PI4KA: variants seen among roughly 807,000 people sequenced by gnomAD.
The protein encoded by PI4KA is PI4-kinase alpha.
A neutral mutation model predicts 271.4 loss-of-function variants in PI4KA; 122 were observed. That is an observed-to-expected ratio of 0.45 (90% CI 0.39 to 0.52). The LOEUF is 0.52. Among genes scored for constraint, PI4KA ranks in the 20% least tolerant of loss-of-function variants. PI4KA has a pLI of 0.00. For missense variants in PI4KA, 1,969 were observed against 2,769.1 expected, an observed-to-expected ratio of 0.71 and a Z score of 6.48; for synonymous variants, 1,041 against 1,078.8, an observed-to-expected ratio of 0.96 and a Z score of 0.69.
At chr22:20,779,165 T>G in intron 19 of PI4KA, 1 of 1,549,054 alleles carries the variant, frequency 6.5e-7, no homozygotes, top group East Asian at 2.4e-5. Flanking sequence ...TCCATGATCC[T>G]AAAACAGTTA....
rs1181990570 is a variant in PI4KA at position 20,804,977 on chromosome 22, G to A, written c.1357C>T (p.Gln453Ter). The A allele has an allele frequency of 1.2e-6, 2 of 1,611,212 alleles. No individual in the cohort carries two copies. The highest frequency in any genetic ancestry group is 1.7e-6 in the Non-Finnish European group (2 of 1,178,244). The change falls in exon 11 of 55, where the codon CAG becomes TAG. Residue 453 changes from glutamine to a stop codon, truncating the protein, a stop_gained. Transcript: ENST00000255882. LOFTEE classifies it high-confidence loss of function. The part of the protein sequence containing the change: ...DLMVWAVKDE[Q>*]GAENLCIKLS... ...GAGGCAAGGCAGTCTGTCTCACCCT[G>A]CTCGTCCTTCACAGCCCACACCATG...
chr22:20,787,197 G>C, intron 19 of PI4KA: 1 of 833,254 alleles, frequency 1.2e-6, no homozygotes, highest in South Asian at 1.4e-5. Context: ...AGGCCCATAT[G>C]AGAGGAGCTT....
intron 22 of PI4KA, among the ~76,000 whole-genome samples, chr22:20,762,118 G>A (rs948598973): frequency 2.0e-5 from 3 of 152,110 alleles, no homozygotes; most frequent in Non-Finnish European, 2.9e-5. Context: ...AGGGGGAAAG[G>A]GAGAAAAAGG....
At chr22:20,842,565 C>A (rs1183901464) in intron 1 of PI4KA, among the ~76,000 whole-genome samples, 1 of 152,214 alleles carries the variant, frequency 6.6e-6, no homozygotes, top group African/African-American at 2.4e-5. Flanking sequence ...GTAATCCCAG[C>A]ACTTTGGGAG....
chr22:20,727,982 C>A, intron 39 of PI4KA, 118 bp from the exon 40 acceptor site: 1 of 646,280 alleles, frequency 1.5e-6, no homozygotes, highest in South Asian at 2.1e-5. Flanking sequence ...CACATCAATA[C>A]CAAGTGACGG....
chr22:20,768,605 T>A (rs527654291), intron 19 of PI4KA, among the ~76,000 whole-genome samples: 1 of 152,308 alleles, frequency 6.6e-6, no homozygotes, highest in Admixed American at 6.5e-5. Flanking sequence ...CATCAACATG[T>A]TCCTTTTACA....
At chr22:20,748,673 T>C (rs1050770017) in intron 28 of PI4KA, among the ~76,000 whole-genome samples, 3 of 151,984 alleles carry the variant, frequency 2.0e-5, no homozygotes, top group Non-Finnish European at 1.5e-5. Flanking sequence ...TGTACAGGAG[T>C]ATATACATGC....
intron 30 of PI4KA, chr22:20,743,032 A>C: frequency 2.0e-6 from 1 of 494,260 alleles, no homozygotes; most frequent in Non-Finnish European, 3.7e-6. Context: ...CTTGTCCCTC[A>C]TCATTGTACC....
Position 20,799,685 on chromosome 22 carries a change from A to G in PI4KA, c.1806T>C (p.Ser602=), listed in dbSNP as rs1935188649. ...TAGGGGCGTACTTGTCGCTCTCCTGAGAGATGTAGAGCCGGTTGGACAGGC... is the reference window on the plus strand; with the variant it reads ...TAGGGGCGTACTTGTCGCTCTCCTGGGAGATGTAGAGCCGGTTGGACAGGC... ...LASLSNRLYI[S]QESDKDAHLI... Residue 602 remains serine (S), a synonymous_variant, in exon 15 of 55, where the codon TCT becomes TCC. Coordinates refer to ENST00000255882, the MANE Select transcript of PI4KA (RefSeq NM_058004.4). 6 of 1,551,170 alleles carry G rather than the reference A, an allele frequency of 3.9e-6. No homozygotes were observed. Among genetic ancestry groups the G allele is most frequent in the Non-Finnish European group, 5.2e-6 (6 of 1,146,162 alleles).
At chr22:20,748,324 T>A (rs1438974800) in intron 28 of PI4KA, among the ~76,000 whole-genome samples, 1 of 152,236 alleles carries the variant, frequency 6.6e-6, no homozygotes, top group East Asian at 1.9e-4. Context: ...ACCAGGCAAA[T>A]AAGCTACAAA....
chr22:20,728,554 G>A (rs907670723), intron 39 of PI4KA, among the ~76,000 whole-genome samples: 1 of 152,164 alleles, frequency 6.6e-6, no homozygotes, highest in African/African-American at 2.4e-5. Context: ...CAGTCCAGGG[G>A]CCACAAGGCA....
chr22:20,807,265 G>A, intron 10 of PI4KA, 97 bp downstream of exon 10: 2 of 740,552 alleles, frequency 2.7e-6, no homozygotes, highest in Non-Finnish European at 4.7e-6. Context: ...AGTGGCCCCA[G>A]CAGAAAGTGA....
In PI4KA at chr22:20,797,130, C is replaced by T. The variant is rs114445515; in HGVS notation, c.2109-816G>A. On this transcript the variant is annotated intron_variant, in intron 17 of 54. Coordinates refer to ENST00000255882, the MANE Select transcript of PI4KA (RefSeq NM_058004.4). ...GCTCCACTAAGAAATCCCAGAGCAACGGCAGCCACGGCAAAAGGCACTGCA... is the reference window on the plus strand; with the variant it reads ...GCTCCACTAAGAAATCCCAGAGCAATGGCAGCCACGGCAAAAGGCACTGCA... 7.0e-3 allele frequency among the ~76,000 whole-genome samples: 1,066 copies of T among 152,262 alleles called. 15 individuals carry two copies. The highest frequency in any genetic ancestry group is 0.024 in the African/African-American group (1,011 of 41,546).
In PI4KA at chr22:20,810,977, C is replaced by A; in HGVS notation, c.1061G>T (p.Ser354Ile). The A allele has an allele frequency of 6.2e-7, 1 of 1,612,990 alleles. No individual in the cohort carries two copies. The highest frequency in any genetic ancestry group is 8.5e-7 in the Non-Finnish European group (1 of 1,178,958). The change falls in exon 9 of 55, where the codon AGT becomes ATT. Residue 354 changes from serine to isoleucine, a missense_variant. Around this residue, in one of 13 missense-constraint regions of PI4KA, gnomAD observed 540 missense variants for 555.5 expected, o/e 0.97. Transcript: ENST00000255882. ...TCAGAAGCGACATACCTCCATCACA[C>A]TGGCTACAATGGCATCCAAAGATTT... is the stretch of plus-strand genomic sequence containing the variant. Reference protein sequence around the residue: ...VLKSLDAIVASVMEANPSADL... With the variant: ...VLKSLDAIVAIVMEANPSADL...
At chr22:20,720,816 A>C (rs1371334668) in intron 43 of PI4KA, among the ~76,000 whole-genome samples, 1 of 152,220 alleles carries the variant, frequency 6.6e-6, no homozygotes, top group East Asian at 1.9e-4. Context: ...ATTAACATGT[A>C]ATGAATGGGC....
At chr22:20,801,846 A>T in intron 14 of PI4KA, 127 bp downstream of exon 14, 1 of 1,009,746 alleles carries the variant, frequency 9.9e-7, no homozygotes, top group Non-Finnish European at 1.5e-6. Context: ...AGATTGTGCC[A>T]CTGCATTCCA....
intron 14 of PI4KA, 33 bp downstream of exon 14, chr22:20,801,940 T>C: frequency 6.2e-7 from 1 of 1,611,294 alleles, no homozygotes; most frequent in South Asian, 1.1e-5. Context: ...TCTGGAGCAC[T>C]GCTGTCTACT....
chr22:20,805,868 G>A (rs553700508), intron 10 of PI4KA, among the ~76,000 whole-genome samples: 2 of 151,560 alleles, frequency 1.3e-5, no homozygotes, highest in East Asian at 3.9e-4. Flanking sequence ...AAGGTTGTCA[G>A]ATAAGGGCAA....
chr22:20,759,402 C>CTTTTTTTTTTTTTTTTTTTTTTTT lies in PI4KA; in HGVS notation c.2791+1901_2791+1902insAAAAAAAAAAAAAAAAAAAAAAAA, dbSNP rs886192073. On this transcript the variant is annotated intron_variant, in intron 23 of 54. Coordinates refer to ENST00000255882, the MANE Select transcript of PI4KA (RefSeq NM_058004.4). ...TTGATTTTTCTTTTTCTTTTCTTTTCTTTTTTTTTTTTTTTTTTTTTGAGA... is the reference window on the plus strand; with the variant it reads ...TTGATTTTTCTTTTTCTTTTCTTTTCTTTTTTTTTTTTTTTTTTTTTTTTTTTTTTTTTTTTTTTTTTTTTGAGA... Among the ~76,000 whole-genome samples the CTTTTTTTTTTTTTTTTTTTTTTTT allele has an allele frequency of 6.5e-4, 67 of 102,884 alleles. 5 individuals carry two copies. The highest frequency in any genetic ancestry group is 1.0e-3 in the Non-Finnish European group (52 of 51,316). The allele number at this position is 102,884 out of a possible 152,430, so 67.5% of individuals were successfully genotyped here. A position where few individuals can be genotyped will look rare whatever the true frequency, so the allele number is the denominator to read the frequency against.
Sources: allele counts gnomAD v4.1 joint callset (sites outside exome capture counted in the v4.1 genomes callset), GRCh38; gene constraint gnomAD v4.1.1; regional missense constraint gnomAD v4.1.1; transcripts MANE v1.5; gene names NCBI Gene and HGNC (gene_info 2026-07-23, HGNC 2026-07-21).